The following ABTB2 variants were observed in gnomAD, a reference collection of about 807,000 sequenced individuals.
ABTB2 encodes the protein ankyrin repeat and BTB domain containing 2.
In ABTB2, 56 loss-of-function variants were observed where a neutral mutation model predicts 104.1. The observed-to-expected ratio is 0.54, with a 90% CI of 0.43 to 0.67. The LOEUF (loss-of-function observed/expected upper bound fraction) is 0.67, where lower values mean the gene tolerates loss of function less well. Ranked by LOEUF, ABTB2 falls within the 30% of genes least tolerant of loss-of-function variation. The pLI, the probability that ABTB2 is intolerant of heterozygous loss-of-function variation, is 0.00. For synonymous variants in ABTB2, 606 were observed against 608.2 expected (o/e 1.00, Z 0.05); for missense variants, 1,279 against 1,407.7 (o/e 0.91, Z 1.46).
chr11:34,250,335 T>A (rs1466987642), intron 1 of ABTB2, among the ~76,000 whole-genome samples: 1 of 152,226 alleles, frequency 6.6e-6, no homozygotes, highest in Non-Finnish European at 1.5e-5. Flanking sequence ...GACTGCAATC[T>A]GTAGGGCCAG....
At chr11:34,253,527 T>C (rs1854080612) in intron 1 of ABTB2, among the ~76,000 whole-genome samples, 1 of 151,848 alleles carries the variant, frequency 6.6e-6, no homozygotes, top group Non-Finnish European at 1.5e-5. Flanking sequence ...AATACAAAAA[T>C]TAGCCAGGCA....
intron 1 of ABTB2, among the ~76,000 whole-genome samples, chr11:34,332,699 T>G (rs1855146691): frequency 6.6e-6 from 1 of 152,020 alleles, no homozygotes. Context: ...CAGCAATGCC[T>G]CTGTTGATTT....
chr11:34,160,449 G>T, intron 11 of ABTB2, 96 bp from the exon 12 acceptor site: 1 of 827,910 alleles, frequency 1.2e-6, no homozygotes, highest in Admixed American at 2.0e-5. Flanking sequence ...TCCAGGCCAG[G>T]AGTAGTGCAG....
rs571739245 is a variant in ABTB2 at position 34,217,880 on chromosome 11, C to T, written c.884-13190G>A. ...CAAATTGTCTTCCAAAGTGGCTGAA[C>T]CATTTTGCATTCCCACCAGCAATGC... is the stretch of plus-strand genomic sequence containing the variant. On this transcript the variant is annotated intron_variant, in intron 1 of 16. Transcript: ENST00000435224. Among the ~76,000 whole-genome samples, 27 of 152,308 alleles carry T rather than the reference C, an allele frequency of 1.8e-4. No homozygotes were observed. The South Asian group carries it at 5.4e-3, about 30-fold the overall frequency.
chr11:34,167,470 T>C (rs745533401), intron 6 of ABTB2, 110 bp from the exon 7 acceptor site: 20 of 901,674 alleles, frequency 2.2e-5, no homozygotes, highest in African/African-American at 3.4e-5. Context: ...CGATTGATAA[T>C]GTTTGCCTGG....
intron 1 of ABTB2, among the ~76,000 whole-genome samples, chr11:34,327,010 G>A (rs1855077494): frequency 6.6e-6 from 1 of 152,242 alleles, no homozygotes; most frequent in East Asian, 1.9e-4. Flanking sequence ...GGGAGGTGGA[G>A]GTTGCAGTGA....
At chr11:34,203,864 G>A (rs749100488) in intron 2 of ABTB2, among the ~76,000 whole-genome samples, 48 of 152,192 alleles carry the variant, frequency 3.2e-4, no homozygotes, top group Non-Finnish European at 6.6e-4. Context: ...CCCTCCACTG[G>A]GTGATCTCAA....
chr11:34,243,328 A>G (rs1853945172), intron 1 of ABTB2, among the ~76,000 whole-genome samples: 1 of 152,312 alleles, frequency 6.6e-6, no homozygotes, highest in African/African-American at 2.4e-5. Flanking sequence ...CCTGGAGTGC[A>G]GTGGCATGAT....
intron 1 of ABTB2, among the ~76,000 whole-genome samples, chr11:34,237,276 CTTTTTTTTTTTTTTT>C (rs561473313): frequency 1.7e-5 from 2 of 116,236 alleles, no homozygotes; most frequent in Admixed American, 8.7e-5. Flanking sequence ...CCTGGATATT[CTTTTTTTTTTTTTTT>C]TTTTTTTTAG....
chr11:34,229,934 T>C (rs1853747092), intron 1 of ABTB2, among the ~76,000 whole-genome samples: 1 of 152,214 alleles, frequency 6.6e-6, no homozygotes, highest in Non-Finnish European at 1.5e-5. Flanking sequence ...TTCTTGCCAC[T>C]GGTTTCAGTT....
At chr11:34,267,177 A>G (rs991244322) in intron 1 of ABTB2, among the ~76,000 whole-genome samples, 1 of 152,074 alleles carries the variant, frequency 6.6e-6, no homozygotes, top group African/African-American at 2.4e-5. Context: ...ACGGCCAAGT[A>G]CTCTGTAGCT....
rs771682814 is a variant in ABTB2 at position 34,162,632 on chromosome 11, A to G, written c.2162T>C (p.Met721Thr). The change falls in exon 10 of 17, where the codon ATG becomes ACG. Residue 721 changes from methionine to threonine, a missense_variant. Physicochemically the swap from Met to Thr is moderately conservative, Grantham distance 81. Transcript: ENST00000435224. Reference sequence around the variant, plus strand: ...GTAGCCGTGCTCAGCGCTGTAGTACATGGCCTCCTGTAGGGCCTTGGTGCG... The same window carrying G: ...GTAGCCGTGCTCAGCGCTGTAGTACGTGGCCTCCTGTAGGGCCTTGGTGCG... ...RTRTKALQEAMYYSAEHGYVD... is the reference protein window; with the variant it reads ...RTRTKALQEATYYSAEHGYVD... 1.9e-6 allele frequency: 3 copies of G among 1,613,580 alleles called. No homozygotes were observed. Among genetic ancestry groups the G allele is most frequent in the Non-Finnish European group, 2.5e-6 (3 of 1,179,994 alleles).
chr11:34,287,155 T>C (rs1426801326), intron 1 of ABTB2, among the ~76,000 whole-genome samples: 3 of 144,530 alleles, frequency 2.1e-5, no homozygotes, highest in Non-Finnish European at 3.0e-5. Flanking sequence ...AAGACCAGCC[T>C]GGGCAACATA....
intron 1 of ABTB2, among the ~76,000 whole-genome samples, chr11:34,286,810 T>C (rs1854511519): frequency 6.6e-6 from 1 of 152,196 alleles, no homozygotes; most frequent in African/African-American, 2.4e-5. Context: ...TAGAAACATA[T>C]TCACGGACAT....
chr11:34,339,521 T>C (rs975814167), intron 1 of ABTB2, among the ~76,000 whole-genome samples: 1 of 152,208 alleles, frequency 6.6e-6, no homozygotes, highest in African/African-American at 2.4e-5. Flanking sequence ...GACGATGGTG[T>C]GGTCGCCTGG....
intron 1 of ABTB2, chr11:34,335,282 T>C (rs1886656): frequency 7.9e-7 from 1 of 1,258,282 alleles, no homozygotes; most frequent in Non-Finnish European, 1.2e-6. Flanking sequence ...TTCAAAAAGA[T>C]TGTTGTTTGT....
At chr11:34,249,419 G>A (rs763983047) in intron 1 of ABTB2, among the ~76,000 whole-genome samples, 3 of 152,214 alleles carry the variant, frequency 2.0e-5, no homozygotes, top group Non-Finnish European at 4.4e-5. Flanking sequence ...AAAAGCAACA[G>A]CCGTAAAGTA....
rs373839498 is a variant in ABTB2, at chr11:34,228,977, G to T, written c.884-24287C>A. Among the ~76,000 whole-genome samples the T allele has an allele frequency of 1.1e-4, 17 of 152,050 alleles. No individual in the cohort carries two copies. The East Asian group carries it at 1.5e-3, about 14-fold the overall frequency. On this transcript the variant is annotated intron_variant, in intron 1 of 16. Coordinates refer to ENST00000435224, the MANE Select transcript of ABTB2 (RefSeq NM_145804.3). ...TCTACTAAAATACAAAAATTAGCTG[G>T]GTGTGGGGGCAGGCACCTGTAATCC...
intron 1 of ABTB2, among the ~76,000 whole-genome samples, chr11:34,307,738 G>A (rs1309768981): frequency 4.0e-5 from 6 of 149,074 alleles, no homozygotes; most frequent in South Asian, 4.2e-4. Context: ...TCGCTCTGTC[G>A]CCCAGGCTGG....
Sources: allele counts gnomAD v4.1 joint callset (sites outside exome capture counted in the v4.1 genomes callset), GRCh38; gene constraint gnomAD v4.1.1; transcripts MANE v1.5; gene names NCBI Gene and HGNC (gene_info 2026-07-23, HGNC 2026-07-21).